The following ZNF714 variants were observed in gnomAD, a reference collection of about 807,000 sequenced individuals.
The protein encoded by ZNF714 is zinc finger protein 714.
A neutral mutation model predicts 46.2 loss-of-function variants in ZNF714; 32 were observed. That is an observed-to-expected ratio of 0.69 (90% CI 0.52 to 0.93). ZNF714 has a LOEUF of 0.93. Ranked by LOEUF, ZNF714 falls within the 40% of genes least tolerant of loss-of-function variation. The pLI is 0.00. For synonymous variants in ZNF714, 199 were observed against 213.1 expected (o/e 0.93, Z 0.58); for missense variants, 635 against 646.3 (o/e 0.98, Z 0.19).
chr19:21,119,618 CA>C lies in ZNF714; in HGVS notation c.*1287del. 1 of 152,230 alleles carries C rather than the reference CA, an allele frequency of 6.6e-6. No individual in the cohort carries two copies. The highest frequency in any genetic ancestry group is 1.9e-4 in the East Asian group (1 of 5,180). The allele number at this position is 152,230 out of a possible 1,614,324, so 9.4% of individuals were successfully genotyped here. ...TGCAAATGTAGTAAATTTGGAAAAA[CA>C]CTTTTTCAAAAACTACAGCTTAGAA... On this transcript the variant is annotated 3_prime_UTR_variant, in exon 5 of 5. Coordinates refer to ENST00000456283, the MANE Select transcript of ZNF714 (RefSeq NM_182515.4).
chr19:21,086,174 A>G (rs1386765321), intron 2 of ZNF714, among the ~76,000 whole-genome samples: 2 of 152,200 alleles, frequency 1.3e-5, no homozygotes, highest in Non-Finnish European at 2.9e-5. Context: ...GAAAAATTTT[A>G]TTTAGACCAC....
At chr19:21,112,561 G>C (rs926522172) in intron 4 of ZNF714, among the ~76,000 whole-genome samples, 2 of 136,358 alleles carry the variant, frequency 1.5e-5, no homozygotes, top group African/African-American at 5.5e-5. Flanking sequence ...TGGTTTTTTT[G>C]TGTCTCTGTG....
At chr19:21,093,125 C>G (rs1968956060) in intron 2 of ZNF714, among the ~76,000 whole-genome samples, 1 of 152,038 alleles carries the variant, frequency 6.6e-6, no homozygotes, top group African/African-American at 2.4e-5. Context: ...AGGATGATCT[C>G]AATCTCCTGA....
chr19:21,112,815 G>GCTTTTTTTTTTTTT (rs1314785181), intron 4 of ZNF714, among the ~76,000 whole-genome samples: 2 of 41,700 alleles, frequency 4.8e-5, no homozygotes, highest in African/African-American at 6.5e-5. Context: ...TTTTATTTCT[G>GCTTTTTTTTTTTTT]ATTTTTTTTT....
At chr19:21,113,825 G>A (rs896932332) in intron 4 of ZNF714, among the ~76,000 whole-genome samples, 5 of 151,998 alleles carry the variant, frequency 3.3e-5, no homozygotes, top group Non-Finnish European at 7.4e-5. Context: ...ATCAATTTTA[G>A]AGTAAGTGCC....
intron 4 of ZNF714, among the ~76,000 whole-genome samples, chr19:21,108,717 A>G (rs994228053): frequency 1.3e-5 from 2 of 152,214 alleles, no homozygotes; most frequent in Non-Finnish European, 2.9e-5. Context: ...TTCTTTCTTT[A>G]TAAGTTATAC....
At chr19:21,104,708 A>T (rs1017826369) in intron 4 of ZNF714, among the ~76,000 whole-genome samples, 2 of 151,692 alleles carry the variant, frequency 1.3e-5, no homozygotes, top group East Asian at 3.9e-4. Flanking sequence ...CGCCTCCTGG[A>T]TTCCAACAAT....
intron 2 of ZNF714, among the ~76,000 whole-genome samples, chr19:21,084,699 GA>G (rs1968733625): frequency 6.8e-6 from 1 of 147,688 alleles, no homozygotes; most frequent in African/African-American, 2.6e-5. Flanking sequence ...TGAAAGGTAG[GA>G]AATTTTTTTT....
intron 4 of ZNF714, among the ~76,000 whole-genome samples, chr19:21,104,251 GTA>G (rs1296325986): frequency 1.5e-4 from 18 of 122,578 alleles, no homozygotes; most frequent in African/African-American, 4.4e-4. Context: ...GATATTGGAT[GTA>G]TATGTTACAT....
Position 21,117,881 on chromosome 19 carries a change from T to G in ZNF714, c.1217T>G (p.Phe406Cys). The G allele has an allele frequency of 6.2e-7, 1 of 1,613,104 alleles. No homozygotes were observed. The highest frequency in any genetic ancestry group is 8.5e-7 in the Non-Finnish European group (1 of 1,179,954). The change falls in exon 5 of 5, where the codon TTT becomes TGT. Residue 406 changes from phenylalanine (F) to cysteine (C), a missense_variant. Transcript: ENST00000456283. Reference protein sequence around the residue: ...PYKCEECGKAFNQSSNLTKHK... With the variant: ...PYKCEECGKACNQSSNLTKHK... Reference sequence around the variant, plus strand: ...AAATGTGAAGAATGTGGCAAAGCTTTTAACCAATCCTCAAACCTTACCAAA... The same window carrying G: ...AAATGTGAAGAATGTGGCAAAGCTTGTAACCAATCCTCAAACCTTACCAAA...
At position 21,117,992 on chromosome 19, in the gene ZNF714, A is replaced by G. The variant is rs775833812; in HGVS notation, c.1328A>G (p.His443Arg). Residue 443 changes from histidine (H) to arginine (R), a missense_variant, in exon 5 of 5, where the codon CAT (histidine) becomes CGT (arginine). Physicochemically the swap from His to Arg is conservative, Grantham distance 29. Transcript: ENST00000456283. Reference protein sequence around the residue: ...AFNRSSNLTTHKRIHTGEKPY... With the variant: ...AFNRSSNLTTRKRIHTGEKPY... ...AACCGATCCTCAAACCTTACTACAC[A>G]TAAGAGAATTCACACTGGAGAGAAA... The G allele has an allele frequency of 4.3e-6, 7 of 1,613,732 alleles. No homozygotes were observed. The highest frequency in any genetic ancestry group is 2.2e-5 in the East Asian group (1 of 44,868).
chr19:21,095,295 C>T (rs995276550), intron 2 of ZNF714, among the ~76,000 whole-genome samples: 14 of 152,116 alleles, frequency 9.2e-5, no homozygotes, highest in African/African-American at 3.4e-4. Context: ...AGTAGCAGAA[C>T]ATGTTCCTTA....
chr19:21,093,227 T>C (rs1258492555), intron 2 of ZNF714, among the ~76,000 whole-genome samples: 2 of 151,250 alleles, frequency 1.3e-5, no homozygotes, highest in Non-Finnish European at 1.5e-5. Context: ...AATCTTGTTT[T>C]TGTTTAATTT....
chr19:21,112,081 G>A (rs182590320), intron 4 of ZNF714, among the ~76,000 whole-genome samples: 2 of 152,244 alleles, frequency 1.3e-5, no homozygotes, highest in East Asian at 3.9e-4. Context: ...GCCAGGTCTT[G>A]ATATCAGGAT....
In ZNF714 at chr19:21,117,600, T is replaced by C; in HGVS notation, c.936T>C (p.Ser312=). The C allele has an allele frequency of 6.2e-7, 1 of 1,609,694 alleles. No homozygotes were observed. Among genetic ancestry groups the C allele is most frequent in the Non-Finnish European group, 8.5e-7 (1 of 1,177,754 alleles). ...KHKIIHSGEK[S]YKCEQCGKGF... ...AGATAATTCATTCTGGAGAGAAATC[T>C]TACAAATGTGAACAATGTGGCAAAG... The change falls in exon 5 of 5, where the codon TCT becomes TCC. Residue 312 remains serine (S), a synonymous_variant. Transcript: ENST00000456283.
chr19:21,093,140 G>A (rs909820447), intron 2 of ZNF714, among the ~76,000 whole-genome samples: 2 of 152,134 alleles, frequency 1.3e-5, no homozygotes, highest in African/African-American at 4.8e-5. Context: ...TCCTGACCTT[G>A]TGATCCACCT....
In ZNF714 at chr19:21,116,710, T is replaced by A. The variant is rs367823444; in HGVS notation, c.143-97T>A. The A allele has an allele frequency of 2.2e-6, 3 of 1,359,752 alleles. No individual in the cohort carries two copies. In the African/African-American group the frequency reaches 4.4e-5, roughly 20 times the overall value. 84.2% of individuals were successfully genotyped at this position (1,359,752 alleles called of 1,614,324 possible). ...GGGCCTGTGGTATTTTATTATGGCA[T>A]CTTGCTTATGTAGTTTGTATAATAT... On this transcript the variant is annotated intron_variant, in intron 4 of 4. Coordinates refer to ENST00000456283, the MANE Select transcript of ZNF714 (RefSeq NM_182515.4).
chr19:21,124,512 T>A lies in ZNF714; in HGVS notation c.*6180T>A, dbSNP rs1011255603. Among the ~76,000 whole-genome samples, 26 of 152,322 alleles carry A rather than the reference T, an allele frequency of 1.7e-4. No individual in the cohort carries two copies. Among genetic ancestry groups the A allele is most frequent in the African/African-American group, 5.5e-4 (23 of 41,584 alleles). On this transcript the variant is annotated 3_prime_UTR_variant, in exon 5 of 5. Transcript: ENST00000456283. Reference sequence around the variant, plus strand: ...GTCTTAAAAATATTTTCTTTCAACTTGAGAAAATGTGTGCTTTTTCTGTAG... The same window carrying A: ...GTCTTAAAAATATTTTCTTTCAACTAGAGAAAATGTGTGCTTTTTCTGTAG...
intron 4 of ZNF714, among the ~76,000 whole-genome samples, chr19:21,102,796 GTC>G: frequency 6.6e-6 from 1 of 152,024 alleles, no homozygotes. Flanking sequence ...GAGTAAACAT[GTC>G]TCTTACTGTT....
Sources: allele counts gnomAD v4.1 joint callset (sites outside exome capture counted in the v4.1 genomes callset), GRCh38; gene constraint gnomAD v4.1.1; transcripts MANE v1.5; gene names NCBI Gene and HGNC (gene_info 2026-07-23, HGNC 2026-07-21).